TEX10: variants seen among roughly 807,000 people sequenced by gnomAD.
TEX10 encodes testis expressed 10, also known as testis-expressed protein 10.
In TEX10, 24 loss-of-function variants were observed where a neutral mutation model predicts 104.4. That is an observed-to-expected ratio of 0.23 (90% CI 0.17 to 0.32). The LOEUF (loss-of-function observed/expected upper bound fraction) is 0.32, where lower values mean the gene tolerates loss of function less well. Ranked by LOEUF, TEX10 falls within the 10% of genes least tolerant of loss-of-function variation. The pLI, the probability that TEX10 is intolerant of heterozygous loss-of-function variation, is 1.00. For synonymous variants in TEX10, 396 were observed against 393.4 expected, an observed-to-expected ratio of 1.01 and a Z score of -0.08; for missense variants, 921 against 1,083.9, an observed-to-expected ratio of 0.85 and a Z score of 2.11.
At chr9:100,314,155 T>C (rs1425880274) in intron 11 of TEX10, among the ~76,000 whole-genome samples, 1 of 150,986 alleles carries the variant, frequency 6.6e-6, no homozygotes, top group Admixed American at 6.6e-5. Flanking sequence ...TGGCACTGTC[T>C]AGGCTCACTG....
At chr9:100,336,294 G>A (rs537531654) in intron 5 of TEX10, among the ~76,000 whole-genome samples, 6 of 152,242 alleles carry the variant, frequency 3.9e-5, no homozygotes, top group East Asian at 3.9e-4. Context: ...ACCAGTCCGC[G>A]GCCTGTTAGG....
At chr9:100,319,754 A>T (rs1834518652) in intron 11 of TEX10, among the ~76,000 whole-genome samples, 1 of 152,154 alleles carries the variant, frequency 6.6e-6, no homozygotes, top group Non-Finnish European at 1.5e-5. Context: ...TGCAGCAAGC[A>T]GAGATTGCAC....
At chr9:100,314,121 T>C (rs1402685170) in intron 11 of TEX10, among the ~76,000 whole-genome samples, 2 of 148,950 alleles carry the variant, frequency 1.3e-5, no homozygotes, top group Non-Finnish European at 3.0e-5. Flanking sequence ...AGAGTCTCGC[T>C]CTGTCACCCA....
At chr9:100,332,674 A>G (rs1486887931) in intron 5 of TEX10, among the ~76,000 whole-genome samples, 2 of 152,040 alleles carry the variant, frequency 1.3e-5, no homozygotes, top group East Asian at 3.9e-4. Flanking sequence ...ATAAAAAATT[A>G]GCCGGGCGCG....
In TEX10 at chr9:100,328,920, G is replaced by A. The variant is rs112217324; in HGVS notation, c.1625+220C>T. Among the ~76,000 whole-genome samples, 1,521 of 152,288 alleles carry A rather than the reference G, an allele frequency of 1.0e-2. 32 individuals are homozygous for A. Among genetic ancestry groups the A allele is most frequent in the African/African-American group, 0.034 (1,429 of 41,554 alleles). On this transcript the variant is annotated intron_variant, in intron 7 of 14. Transcript: ENST00000374902. ...TATAAGTGGACAGGTAGAAATGCATGCCTAAGCAGTCTTTTATCTGTTCAG... is the reference window on the plus strand; with the variant it reads ...TATAAGTGGACAGGTAGAAATGCATACCTAAGCAGTCTTTTATCTGTTCAG...
At position 100,350,713 on chromosome 9, in the gene TEX10, C is replaced by T. The variant is rs560189391; in HGVS notation, c.-9-1341G>A. 7.8e-4 allele frequency among the ~76,000 whole-genome samples: 119 copies of T among 152,264 alleles called. 1 individual carries two copies. Among genetic ancestry groups the T allele is most frequent in the Non-Finnish European group, 1.4e-3 (95 of 68,014 alleles). ...AAAAAATGGGTAAAACGAAAGTTTC[C>T]TTTATTACAATATTAATAAAATGGC... On this transcript the variant is annotated intron_variant, in intron 1 of 14. Coordinates refer to ENST00000374902, the MANE Select transcript of TEX10 (RefSeq NM_017746.4).
At chr9:100,312,979 A>G (rs1564204067) in intron 11 of TEX10, among the ~76,000 whole-genome samples, 1 of 152,232 alleles carries the variant, frequency 6.6e-6, no homozygotes, top group Non-Finnish European at 1.5e-5. Context: ...TAGGAAGAAC[A>G]TGAAGGTAAT....
At chr9:100,333,483 T>C (rs117299840) in intron 5 of TEX10, among the ~76,000 whole-genome samples, 2,407 of 151,512 alleles carry the variant, frequency 0.016, 32 homozygotes, top group Non-Finnish European at 0.026. Flanking sequence ...TATGGAAAGG[T>C]CAAAGACCCA....
chr9:100,314,660 A>G (rs11788648), intron 11 of TEX10, among the ~76,000 whole-genome samples: 20,129 of 152,098 alleles, frequency 0.13, 1,387 homozygotes, highest in Non-Finnish European at 0.15. Context: ...ATTTTGAAGA[A>G]CCAACTTTGC....
In TEX10 at chr9:100,352,692, G is replaced by T. The variant is rs528833498; in HGVS notation, c.-10+80C>A. On this transcript the variant is annotated intron_variant, in intron 1 of 14. Transcript: ENST00000374902. ...ACGGCCGACCCTGCCCGCTTGGGCC[G>T]CGGATCGGGGGGCGACGGCCCCACC... is the stretch of plus-strand genomic sequence containing the variant. 253 of 1,324,392 alleles carry T rather than the reference G, an allele frequency of 1.9e-4. 3 individuals carry two copies. In the African/African-American group the frequency reaches 3.8e-3, roughly 20 times the overall value. 82.0% of individuals were successfully genotyped at this position (1,324,392 alleles called of 1,614,324 possible). A position where few individuals can be genotyped will look rare whatever the true frequency, so the allele number is the denominator to read the frequency against.
chr9:100,328,034 T>A (rs570654316), intron 7 of TEX10, 72 bp from the exon 8 acceptor site: 338 of 1,133,340 alleles, frequency 3.0e-4, no homozygotes, highest in African/African-American at 1.5e-3. Flanking sequence ...AAAAAAAAAA[T>A]TTTTTTTTAA....
chr9:100,339,273 A>ATAT (rs1835101027), intron 5 of TEX10, among the ~76,000 whole-genome samples: 1 of 108,356 alleles, frequency 9.2e-6, no homozygotes. Flanking sequence ...AAAAAAAAAA[A>ATAT]AGTATATATA....
rs1375428738 is a variant in TEX10, at chr9:100,339,225, AAC to A, written c.1250+1030_1250+1031del. Among the ~76,000 whole-genome samples the A allele has an allele frequency of 1.4e-4, 19 of 134,640 alleles. No individual in the cohort carries two copies. In the East Asian group the frequency reaches 4.3e-3, roughly 30 times the overall value. 88.3% of individuals were successfully genotyped at this position (134,640 alleles called of 152,430 possible). A position where few individuals can be genotyped will look rare whatever the true frequency, so the allele number is the denominator to read the frequency against. On this transcript the variant is annotated intron_variant, in intron 5 of 14. Coordinates refer to ENST00000374902, the MANE Select transcript of TEX10 (RefSeq NM_017746.4). ...GCTGAGATGGTGCCACAGCCTGGGA[AAC>A]AGAGTGAGACTCCATCTCAAAAAAA...
At chr9:100,346,366 T>A in intron 3 of TEX10, 51 bp from the exon 4 acceptor site, 1 of 1,538,174 alleles carries the variant, frequency 6.5e-7, no homozygotes, top group Non-Finnish European at 8.7e-7. Flanking sequence ...ATGTTTATTA[T>A]CCCTTGCTAA....
chr9:100,334,462 G>A (rs564296429), intron 5 of TEX10, among the ~76,000 whole-genome samples: 12 of 152,120 alleles, frequency 7.9e-5, no homozygotes, highest in South Asian at 4.2e-4. Flanking sequence ...AGAAAAAAAC[G>A]AACTAAAGAA....
chr9:100,352,540 C>G, intron 1 of TEX10: 11 of 1,547,384 alleles, frequency 7.1e-6, no homozygotes, highest in Non-Finnish European at 8.7e-6. Context: ...CGAAACCAGG[C>G]GAACCCGCCC....
At chr9:100,313,796 G>T (rs1834340178) in intron 11 of TEX10, among the ~76,000 whole-genome samples, 1 of 150,120 alleles carries the variant, frequency 6.7e-6, no homozygotes. Context: ...AGTGACCTGA[G>T]ACTGTGCCAC....
At chr9:100,337,110 C>T (rs770954504) in intron 5 of TEX10, among the ~76,000 whole-genome samples, 22 of 152,170 alleles carry the variant, frequency 1.4e-4, no homozygotes, top group Non-Finnish European at 2.2e-4. Context: ...CCTGTATTAA[C>T]CTAAGCTCTT....
At chr9:100,324,701 G>A (rs1271908789) in intron 9 of TEX10, among the ~76,000 whole-genome samples, 1 of 152,176 alleles carries the variant, frequency 6.6e-6, no homozygotes, top group Non-Finnish European at 1.5e-5. Context: ...TGTTGATGAA[G>A]ACATTAAATG....
Sources: gnomAD v4.1 joint callset for allele counts (sites outside exome capture counted in the v4.1 genomes callset) on GRCh38, gnomAD v4.1.1 for gene constraint, MANE v1.5 for transcripts, NCBI Gene and HGNC (gene_info 2026-07-23, HGNC 2026-07-21) for gene names.